Variants in SPIDR observed in about 807,000 individuals in gnomAD.
SPIDR encodes the protein DNA repair-scaffolding protein.
In SPIDR, 93 loss-of-function variants were observed where a neutral mutation model predicts 104.6. The ratio of observed to expected loss-of-function variants is 0.89; its 90% CI spans 0.75 to 1.06. The LOEUF is 1.06. SPIDR is among the 50% of genes least tolerant of loss of function. The pLI is 0.00. For synonymous variants in SPIDR, 431 were observed against 416.9 expected (o/e 1.03, Z -0.41); for missense variants, 1,154 against 1,111.2 (o/e 1.04, Z -0.55).
At chr8:47,550,855 A>G (rs997444562) in intron 8 of SPIDR, among the ~76,000 whole-genome samples, 5 of 151,032 alleles carry the variant, frequency 3.3e-5, no homozygotes, top group African/African-American at 1.2e-4. Context: ...CCGGTTTTCA[A>G]AAGGAATGCT....
At chr8:47,406,763 G>A (rs898891973) in intron 6 of SPIDR, among the ~76,000 whole-genome samples, 1 of 152,168 alleles carries the variant, frequency 6.6e-6, no homozygotes, top group African/African-American at 2.4e-5. Context: ...GCTGCACTAA[G>A]TCCATTCTGG....
chr8:47,660,143 C>A (rs1370326636), intron 10 of SPIDR, among the ~76,000 whole-genome samples: 5 of 152,184 alleles, frequency 3.3e-5, no homozygotes, highest in Non-Finnish European at 7.3e-5. Flanking sequence ...CCCACAACTT[C>A]CCCTACAAAA....
At chr8:47,639,772 A>AC (rs764777590) in intron 10 of SPIDR, among the ~76,000 whole-genome samples, 34 of 152,116 alleles carry the variant, frequency 2.2e-4, no homozygotes, top group Middle Eastern at 3.4e-3. Flanking sequence ...ACATGGTGAA[A>AC]CCCCATCTCT....
chr8:47,334,981 C>T (rs1034320208), intron 5 of SPIDR, among the ~76,000 whole-genome samples: 1 of 152,158 alleles, frequency 6.6e-6, no homozygotes, highest in African/African-American at 2.4e-5. Context: ...TTTCCAATAA[C>T]ACTGTTACAC....
intron 8 of SPIDR, among the ~76,000 whole-genome samples, chr8:47,482,081 G>A (rs1166863748): frequency 5.9e-5 from 9 of 152,174 alleles, no homozygotes; most frequent in Admixed American, 3.9e-4. Context: ...CATGTTGAGC[G>A]TGGTCAGTGG....
chr8:47,470,580 A>G (rs2075552129), intron 8 of SPIDR, among the ~76,000 whole-genome samples: 1 of 152,122 alleles, frequency 6.6e-6, no homozygotes, highest in Non-Finnish European at 1.5e-5. Context: ...ACGCCTGACC[A>G]TGAAGTGAGT....
At chr8:47,495,356 G>T (rs115020293) in intron 8 of SPIDR, among the ~76,000 whole-genome samples, 44 of 150,734 alleles carry the variant, frequency 2.9e-4, no homozygotes, top group African/African-American at 1.0e-3. Flanking sequence ...GTATAAAACA[G>T]GTATATGAGA....
chr8:47,520,973 C>A (rs759657578), intron 8 of SPIDR, among the ~76,000 whole-genome samples: 2 of 152,162 alleles, frequency 1.3e-5, no homozygotes, highest in Non-Finnish European at 2.9e-5. Flanking sequence ...CATATGGCAT[C>A]AATGTAAGTA....
At chr8:47,380,311 C>T (rs2059175955) in intron 5 of SPIDR, among the ~76,000 whole-genome samples, 1 of 152,206 alleles carries the variant, frequency 6.6e-6, no homozygotes, top group African/African-American at 2.4e-5. Context: ...CAGGTCGTAT[C>T]ACAGTTTGTG....
intron 7 of SPIDR, among the ~76,000 whole-genome samples, chr8:47,416,643 T>A (rs1183424870): frequency 2.6e-5 from 4 of 152,214 alleles, no homozygotes; most frequent in Admixed American, 2.6e-4. Flanking sequence ...TTTTATACTT[T>A]AAGTTTTAGG....
chr8:47,617,297 A>G (rs1389980331), intron 10 of SPIDR, among the ~76,000 whole-genome samples: 3 of 152,178 alleles, frequency 2.0e-5, no homozygotes, highest in Non-Finnish European at 2.9e-5. Flanking sequence ...TGTTACCTCC[A>G]TTGGTACCTA....
intron 5 of SPIDR, among the ~76,000 whole-genome samples, chr8:47,309,040 G>A (rs782471790): frequency 2.6e-5 from 4 of 152,188 alleles, no homozygotes; most frequent in East Asian, 3.8e-4. Flanking sequence ...CAACACATGC[G>A]TGGTGCTTCC....
intron 6 of SPIDR, among the ~76,000 whole-genome samples, chr8:47,404,651 A>G (rs567646019): frequency 1.3e-5 from 2 of 152,312 alleles, no homozygotes; most frequent in African/African-American, 4.8e-5. Context: ...CCACAATGAG[A>G]TACCATGTCA....
intron 14 of SPIDR, among the ~76,000 whole-genome samples, chr8:47,707,010 T>C (rs1374957418): frequency 6.6e-6 from 1 of 152,150 alleles, no homozygotes; most frequent in East Asian, 1.9e-4. Flanking sequence ...ACCAGCACTT[T>C]GGGAGGCCGA....
chr8:47,399,727 C>T (rs2061634993), intron 6 of SPIDR, among the ~76,000 whole-genome samples: 2 of 152,122 alleles, frequency 1.3e-5, no homozygotes, highest in African/African-American at 4.8e-5. Flanking sequence ...GACAGGAGTT[C>T]CGAGAGTAGC....
intron 2 of SPIDR, 121 bp downstream of exon 2, chr8:47,280,138 T>A: frequency 1.1e-6 from 1 of 929,344 alleles, no homozygotes; most frequent in Non-Finnish European, 1.5e-6. Context: ...CTGTAACTGG[T>A]ACACTCCTTT....
chr8:47,563,341 TC>T (rs2057328876), intron 8 of SPIDR, among the ~76,000 whole-genome samples: 1 of 151,952 alleles, frequency 6.6e-6, no homozygotes, highest in South Asian at 2.1e-4. Flanking sequence ...GACTCATTTT[TC>T]TTTTTTTTTT....
chr8:47,700,409 G>T lies in SPIDR; in HGVS notation c.1692G>T (p.Ala564=). Residue 564 remains alanine, a synonymous_variant, in exon 12 of 20, where the codon GCG becomes GCT. Coordinates refer to ENST00000297423, the MANE Select transcript of SPIDR (RefSeq NM_001080394.4). The part of the protein sequence containing the change: ...VLQKVTRGRT[A]GIFSLIDTLW... ...TTGACTTTTCTTGTTCCAGGACAGCGGGGATTTTCAGTTTGATTGACACCC... is the reference window on the plus strand; with the variant it reads ...TTGACTTTTCTTGTTCCAGGACAGCTGGGATTTTCAGTTTGATTGACACCC... The T allele has an allele frequency of 6.2e-7, 1 of 1,614,176 alleles. No individual in the cohort carries two copies. The highest frequency in any genetic ancestry group is 8.5e-7 in the Non-Finnish European group (1 of 1,180,032).
chr8:47,447,207 CTGTTT>C (rs758546264), intron 8 of SPIDR, among the ~76,000 whole-genome samples: 2 of 152,062 alleles, frequency 1.3e-5, no homozygotes, highest in Non-Finnish European at 2.9e-5. Context: ...AACTGTTTTT[CTGTTT>C]TGTTTTGTTT....
Sources: allele counts gnomAD v4.1 joint callset (sites outside exome capture counted in the v4.1 genomes callset), GRCh38; gene constraint gnomAD v4.1.1; transcripts MANE v1.5; gene names NCBI Gene and HGNC (gene_info 2026-07-23, HGNC 2026-07-21).